The following GLIS3 variants were observed in gnomAD, a reference collection of about 807,000 sequenced individuals.
The protein encoded by GLIS3 is GLIS family zinc finger 3.
In GLIS3, 53 loss-of-function variants were observed where a neutral mutation model predicts 78.6. The ratio of observed to expected loss-of-function variants is 0.67; its 90% CI spans 0.54 to 0.85. The LOEUF is 0.85. Ranked by LOEUF, GLIS3 falls within the 40% of genes least tolerant of loss-of-function variation. The pLI is 0.00. For synonymous variants in GLIS3, 684 were observed against 509.9 expected (o/e 1.34, Z -4.60); for missense variants, 1,703 against 1,231.1 (o/e 1.38, Z -5.74).
At position 4,019,163 on chromosome 9, in the gene GLIS3, G is replaced by A. The variant is rs536342387; in HGVS notation, c.1711-81974C>T. Among the ~76,000 whole-genome samples the A allele has an allele frequency of 5.9e-5, 9 of 152,302 alleles. No homozygotes were observed. In the South Asian group the frequency reaches 1.2e-3, roughly 21 times the overall value. On this transcript the variant is annotated intron_variant, in intron 4 of 10. Coordinates refer to ENST00000381971, the MANE Select transcript of GLIS3 (RefSeq NM_001042413.2). ...AAATATAAAGAATGTTCACTCTTTG[G>A]AACATTAAAGCTTGATAACAAAAGA...
chr9:4,156,736 G>T (rs1835068270), intron 2 of GLIS3, among the ~76,000 whole-genome samples: 1 of 152,094 alleles, frequency 6.6e-6, no homozygotes, highest in African/African-American at 2.4e-5. Flanking sequence ...TAAGTTTCAT[G>T]CCCTTATCTG....
intron 4 of GLIS3, chr9:4,305,259 G>A (rs943787385): frequency 1.3e-5 from 2 of 152,230 alleles, no homozygotes; most frequent in Non-Finnish European, 2.9e-5. Context: ...CACTCAGGCA[G>A]GTGGTATGTT....
intron 8 of GLIS3, among the ~76,000 whole-genome samples, chr9:3,864,526 C>G (rs1299680320): frequency 6.6e-6 from 1 of 152,212 alleles, no homozygotes; most frequent in African/African-American, 2.4e-5. Context: ...CGCAGTACTC[C>G]TGCCAAGTGT....
intron 7 of GLIS3, among the ~76,000 whole-genome samples, chr9:3,892,563 T>C (rs1032959548): frequency 1.3e-5 from 2 of 152,336 alleles, no homozygotes; most frequent in East Asian, 3.9e-4. Context: ...TTATAATTCA[T>C]TAATGTCCCT....
At chr9:4,435,824 C>T in the GLIS3 span, among the ~76,000 whole-genome samples, 1 of 152,166 alleles carries the variant, frequency 6.6e-6, no homozygotes, top group African/African-American at 2.4e-5. Context: ...TGGCAGGCTC[C>T]TGTAGTCCCA....
chr9:3,841,570 C>T (rs779162382), intron 9 of GLIS3, among the ~76,000 whole-genome samples: 4 of 152,220 alleles, frequency 2.6e-5, no homozygotes, highest in Non-Finnish European at 5.9e-5. Flanking sequence ...CATTCCATCA[C>T]CTGCCAACTA....
chr9:4,448,012 G>C, the GLIS3 span, among the ~76,000 whole-genome samples: 1 of 151,918 alleles, frequency 6.6e-6, no homozygotes, highest in African/African-American at 2.4e-5. Context: ...TCAGCTTCCC[G>C]AAGAGTTGAG....
At chr9:4,413,686 C>T in the GLIS3 span, among the ~76,000 whole-genome samples, 18 of 152,196 alleles carry the variant, frequency 1.2e-4, no homozygotes, top group Non-Finnish European at 5.9e-5. Context: ...GCCACCCAGA[C>T]GTTGCATGGC....
intron 4 of GLIS3, among the ~76,000 whole-genome samples, chr9:4,016,220 G>A (rs1425586296): frequency 6.6e-6 from 1 of 152,134 alleles, no homozygotes; most frequent in Non-Finnish European, 1.5e-5. Flanking sequence ...AAAGTCAATG[G>A]CCACATAGCA....
intron 6 of GLIS3, among the ~76,000 whole-genome samples, chr9:3,925,056 A>G (rs1455692840): frequency 6.6e-6 from 1 of 152,120 alleles, no homozygotes; most frequent in Admixed American, 6.5e-5. Context: ...CCAAAAACCC[A>G]TTTTTGGTCC....
chr9:3,876,249 A>G (rs932693280), intron 8 of GLIS3, among the ~76,000 whole-genome samples: 10 of 152,156 alleles, frequency 6.6e-5, no homozygotes, highest in African/African-American at 1.9e-4. Flanking sequence ...AAAACTGTCA[A>G]TGTTCTGAAA....
intron 2 of GLIS3, among the ~76,000 whole-genome samples, chr9:4,250,101 C>T (rs1023785040): frequency 1.3e-5 from 2 of 152,074 alleles, no homozygotes; most frequent in African/African-American, 2.4e-5. Flanking sequence ...GTATCTCTGC[C>T]AGGTTTTGGT....
At chr9:4,195,256 T>A (rs958458468) in intron 2 of GLIS3, among the ~76,000 whole-genome samples, 2 of 111,992 alleles carry the variant, frequency 1.8e-5, no homozygotes, top group African/African-American at 9.3e-5. Flanking sequence ...CTGGGCTGGT[T>A]GAGGCCAGAG....
At chr9:3,964,534 T>C (rs1011287947) in intron 4 of GLIS3, among the ~76,000 whole-genome samples, 6 of 152,248 alleles carry the variant, frequency 3.9e-5, no homozygotes, top group Admixed American at 6.5e-5. Flanking sequence ...TTTAATTAAA[T>C]CTGATGTTCT....
chr9:4,004,569 A>G (rs1385315543), intron 4 of GLIS3, among the ~76,000 whole-genome samples: 1 of 152,136 alleles, frequency 6.6e-6, no homozygotes, highest in East Asian at 1.9e-4. Context: ...CTACAAGAAA[A>G]AAGAAAAGGG....
intron 2 of GLIS3, among the ~76,000 whole-genome samples, chr9:4,261,588 G>A (rs1463922422): frequency 6.6e-6 from 1 of 152,154 alleles, no homozygotes; most frequent in Admixed American, 6.5e-5. Context: ...ATGGCCCAGA[G>A]AGAGAACTCA....
chr9:4,451,825 A>G, the GLIS3 span, among the ~76,000 whole-genome samples: 5 of 152,046 alleles, frequency 3.3e-5, no homozygotes, highest in South Asian at 8.3e-4. Context: ...ATGTACCAGA[A>G]TCTCTGGGAC....
At chr9:4,034,333 A>G (rs1391684844) in intron 4 of GLIS3, among the ~76,000 whole-genome samples, 1 of 152,202 alleles carries the variant, frequency 6.6e-6, no homozygotes, top group Non-Finnish European at 1.5e-5. Context: ...AATCAAAAGC[A>G]GGATTCCATA....
the GLIS3 span, among the ~76,000 whole-genome samples, chr9:4,470,089 C>A: frequency 2.6e-5 from 4 of 152,132 alleles, no homozygotes; most frequent in Admixed American, 6.6e-5. Flanking sequence ...CAATAACAGG[C>A]TCTGAAATTG....
Sources: allele counts gnomAD v4.1 joint callset (sites outside exome capture counted in the v4.1 genomes callset), GRCh38; gene constraint gnomAD v4.1.1; transcripts MANE v1.5; gene names NCBI Gene and HGNC (gene_info 2026-07-23, HGNC 2026-07-21).